Variants in SS18L1 observed in about 807,000 individuals in gnomAD.
SS18L1 encodes calcium-responsive transactivator.
In SS18L1, 32 loss-of-function variants were observed where a neutral mutation model predicts 70.3. The ratio of observed to expected loss-of-function variants is 0.46; its 90% CI spans 0.34 to 0.61. The LOEUF is 0.61. Ranked by LOEUF, SS18L1 falls within the 20% of genes least tolerant of loss-of-function variation. The pLI, the probability that SS18L1 is intolerant of heterozygous loss-of-function variation, is 0.01. For missense variants in SS18L1, 430 were observed against 542.1 expected, an observed-to-expected ratio of 0.79 and a Z score of 2.05; for synonymous variants, 237 against 229.7, an observed-to-expected ratio of 1.03 and a Z score of -0.29.
At chr20:62,152,232 C>A (rs2057146395) in intron 1 of SS18L1, among the ~76,000 whole-genome samples, 1 of 152,234 alleles carries the variant, frequency 6.6e-6, no homozygotes, top group Admixed American at 6.5e-5. Flanking sequence ...TGGCCACCCA[C>A]GCCCACTCCA....
chr20:62,176,550 T>TA (rs1227065230), intron 10 of SS18L1, among the ~76,000 whole-genome samples: 1 of 150,976 alleles, frequency 6.6e-6, no homozygotes. Flanking sequence ...CGTGGGGGCT[T>TA]ACACCTGTAA....
At chr20:62,170,927 A>G in intron 8 of SS18L1, among the ~76,000 whole-genome samples, 1 of 149,502 alleles carries the variant, frequency 6.7e-6, no homozygotes. Flanking sequence ...TTTGAGATGG[A>G]GTCTCACTCT....
At chr20:62,169,828 C>T (rs578257185) in intron 8 of SS18L1, among the ~76,000 whole-genome samples, 62 of 149,178 alleles carry the variant, frequency 4.2e-4, no homozygotes, top group African/African-American at 1.6e-3. Flanking sequence ...CTGAAAGGAC[C>T]TCACTTTATG....
At chr20:62,146,889 G>T (rs1013028827) in intron 1 of SS18L1, among the ~76,000 whole-genome samples, 1 of 151,934 alleles carries the variant, frequency 6.6e-6, no homozygotes, top group Non-Finnish European at 1.5e-5. Context: ...GCCTCCCAAA[G>T]TGCTGGGATT....
intron 8 of SS18L1, 148 bp from the exon 9 acceptor site, chr20:62,172,534 G>GT: frequency 8.8e-7 from 1 of 1,131,672 alleles, no homozygotes; most frequent in Non-Finnish European, 1.3e-6. Flanking sequence ...GTGTAGTATA[G>GT]TATTTGAATG....
Position 62,158,802 on chromosome 20 carries a change from C to T in SS18L1, c.146+54C>T, listed in dbSNP as rs1353371049. The T allele has an allele frequency of 6.2e-7, 1 of 1,612,664 alleles. No homozygotes were observed. The highest frequency in any genetic ancestry group is 8.5e-7 in the Non-Finnish European group (1 of 1,179,808). On this transcript the variant is annotated intron_variant, in intron 2 of 10. Coordinates refer to ENST00000331758, the MANE Select transcript of SS18L1 (RefSeq NM_198935.3). The surrounding 1 kb of genome is among the most constrained non-coding windows in gnomAD (Gnocchi z 4.5). ...TGGAGGGTGTCATGCAGAGTCTAAG[C>T]ACAGAGGCCAGATACGTCCCAAGAG...
At position 62,159,805 on chromosome 20, in the gene SS18L1, C is replaced by A. The variant is rs1215615373; in HGVS notation, c.147-72C>A. On this transcript the variant is annotated intron_variant, in intron 2 of 10. Coordinates refer to ENST00000331758, the MANE Select transcript of SS18L1 (RefSeq NM_198935.3). This position sits in a 1 kb window ranked among gnomAD's most constrained non-coding sequence, Gnocchi z 4.4. The stretch of plus-strand genomic sequence containing the variant: ...GTCAGGCTGTCTTGTTCACACTTTA[C>A]TTCTGCCTTGGATCCACGTGGGGAC... 1 of 1,464,374 alleles carries A rather than the reference C, an allele frequency of 6.8e-7. No homozygotes were observed. 90.7% of individuals were successfully genotyped at this position (1,464,374 alleles called of 1,614,324 possible).
intron 1 of SS18L1, among the ~76,000 whole-genome samples, chr20:62,144,622 A>T (rs2145678158): frequency 6.6e-6 from 1 of 152,368 alleles, no homozygotes; most frequent in South Asian, 2.1e-4. Flanking sequence ...GATTTGCTCC[A>T]CAACCTTTCT....
chr20:62,152,851 T>C (rs1407957), intron 1 of SS18L1, among the ~76,000 whole-genome samples: 123,050 of 151,792 alleles, frequency 0.81, 49,807 homozygotes, highest in Admixed American at 0.83. Flanking sequence ...ACCTCCAGAG[T>C]GGGGGCCACA....
intron 10 of SS18L1, among the ~76,000 whole-genome samples, chr20:62,176,064 C>T (rs6142973): frequency 0.074 from 11,229 of 152,322 alleles, 509 homozygotes; most frequent in South Asian, 0.2. Flanking sequence ...CAGTCTGCAT[C>T]CTGATGTTAA....
At chr20:62,164,386 TG>T (rs1177047089) in intron 7 of SS18L1, 140 bp downstream of exon 7, 1 of 906,182 alleles carries the variant, frequency 1.1e-6, no homozygotes, top group Non-Finnish European at 1.6e-6. Context: ...ACAGGCAGAG[TG>T]GCCAGACGCC....
intron 1 of SS18L1, among the ~76,000 whole-genome samples, chr20:62,155,183 T>G (rs1162969768): frequency 6.6e-6 from 1 of 152,032 alleles, no homozygotes; most frequent in Non-Finnish European, 1.5e-5. Flanking sequence ...GGCAGATCAG[T>G]TGAACCTAGG....
Position 62,159,959 on chromosome 20 carries a change from G to T in SS18L1, c.229G>T (p.Ala77Ser), listed in dbSNP as rs1471031064. The T allele has an allele frequency of 5.6e-6, 9 of 1,611,138 alleles. No homozygotes were observed. Among genetic ancestry groups the T allele is most frequent in the South Asian group, 1.1e-5 (1 of 90,870 alleles). The change falls in exon 3 of 11, where the codon GCC becomes TCC. Residue 77 changes from alanine to serine, a missense_variant and splice_region_variant. Ala to Ser is a moderately conservative substitution (Grantham distance 99). Transcript: ENST00000331758. The surrounding 1 kb of genome is among the most constrained non-coding windows in gnomAD (Gnocchi z 4.4). Reference protein sequence around the residue: ...SNQNMQSLLPAPPTQNMNLGP... With the variant: ...SNQNMQSLLPSPPTQNMNLGP... ...CCAGAACATGCAGTCCCTGCTTCCT[G>T]CCGTGAGTACCCACGGGGGGTTGGC...
At chr20:62,170,037 T>C (rs1178640306) in intron 8 of SS18L1, among the ~76,000 whole-genome samples, 2 of 152,100 alleles carry the variant, frequency 1.3e-5, no homozygotes, top group Non-Finnish European at 2.9e-5. Context: ...TCACTGTGTT[T>C]TTATGTGACA....
At chr20:62,155,528 T>C (rs1372203294) in intron 1 of SS18L1, among the ~76,000 whole-genome samples, 1 of 152,236 alleles carries the variant, frequency 6.6e-6, no homozygotes, top group Non-Finnish European at 1.5e-5. Context: ...GCCGCACCGC[T>C]GTGGCTTCTG....
At chr20:62,172,899 T>TACCCC in intron 9 of SS18L1, 98 bp downstream of exon 9, 1 of 1,503,978 alleles carries the variant, frequency 6.6e-7, no homozygotes, top group African/African-American at 1.5e-5. Context: ...AGAGCTACCC[T>TACCCC]GGGCAGCAGC....
intron 5 of SS18L1, among the ~76,000 whole-genome samples, chr20:62,163,194 A>G (rs2057363199): frequency 6.6e-6 from 1 of 152,054 alleles, no homozygotes; most frequent in Non-Finnish European, 1.5e-5. Context: ...TGCCCCAGGG[A>G]GTGGGGGCCA....
rs1470754618 is a variant in SS18L1, at chr20:62,174,148, T to C, written c.1037-369T>C. 3.9e-5 allele frequency among the ~76,000 whole-genome samples: 6 copies of C among 152,166 alleles called. No individual in the cohort carries two copies. Among genetic ancestry groups the C allele is most frequent in the Non-Finnish European group, 8.8e-5 (6 of 68,036 alleles). ...CTCCCGTGGTAGTTCAGTGACAAGT[T>C]ACAGCAGCCAGTGTGACTGGGGCCA... On this transcript the variant is annotated intron_variant, in intron 9 of 10. Coordinates refer to ENST00000331758, the MANE Select transcript of SS18L1 (RefSeq NM_198935.3). This position sits in a 1 kb window ranked among gnomAD's most constrained non-coding sequence, Gnocchi z 4.1.
chr20:62,171,976 C>T (rs1331102884), intron 8 of SS18L1, among the ~76,000 whole-genome samples: 1 of 152,194 alleles, frequency 6.6e-6, no homozygotes, highest in Non-Finnish European at 1.5e-5. Flanking sequence ...TCCTGGCTAA[C>T]ATGGTGAAAC....
Sources: allele counts gnomAD v4.1 joint callset (sites outside exome capture counted in the v4.1 genomes callset), GRCh38; gene constraint gnomAD v4.1.1; non-coding constraint Gnocchi (gnomAD v3.1); transcripts MANE v1.5; gene names NCBI Gene and HGNC (gene_info 2026-07-23, HGNC 2026-07-21).